CPQ: variants seen among roughly 807,000 people sequenced by gnomAD.
The protein encoded by CPQ is Ser-Met dipeptidase.
Under a neutral mutation model 45.7 loss-of-function variants are expected in CPQ, and 37 were observed. The observed-to-expected ratio is 0.81, with a 90% CI of 0.62 to 1.07. The LOEUF (loss-of-function observed/expected upper bound fraction) is 1.07, where lower values mean the gene tolerates loss of function less well. Ranked by LOEUF, CPQ falls within the 50% of genes least tolerant of loss-of-function variation. The probability of loss-of-function intolerance (pLI) is 0.00; values close to 1 mark genes in which losing one functional copy is unlikely to be tolerated. For missense variants in CPQ, 537 were observed against 572.9 expected, an observed-to-expected ratio of 0.94 and a Z score of 0.64; for synonymous variants, 186 against 205.8, an observed-to-expected ratio of 0.90 and a Z score of 0.82.
At chr8:96,762,124 CTGGAATTTAGT>C (rs1810412988) in intron 1 of CPQ, among the ~76,000 whole-genome samples, 1 of 145,322 alleles carries the variant, frequency 6.9e-6, no homozygotes, top group Non-Finnish European at 1.5e-5. Flanking sequence ...ACATATTTAG[CTGGAATTTAGT>C]TTCCTAGGGA....
At chr8:96,891,760 C>A in intron 4 of CPQ, among the ~76,000 whole-genome samples, 1 of 152,184 alleles carries the variant, frequency 6.6e-6, no homozygotes, top group East Asian at 1.9e-4. Context: ...AGCACCATAG[C>A]TGCATGGTAA....
chr8:96,733,103 C>G (rs1414820654), intron 1 of CPQ, among the ~76,000 whole-genome samples: 1 of 152,160 alleles, frequency 6.6e-6, no homozygotes, highest in Non-Finnish European at 1.5e-5. Flanking sequence ...TTCAGGTATA[C>G]ATTTGATGGC....
At chr8:97,054,946 A>G (rs1292269945) in intron 6 of CPQ, among the ~76,000 whole-genome samples, 5 of 152,212 alleles carry the variant, frequency 3.3e-5, no homozygotes. Flanking sequence ...TTAAGTATAG[A>G]GTTCAGGGGG....
At chr8:96,958,662 A>C (rs1255329749) in intron 4 of CPQ, among the ~76,000 whole-genome samples, 5 of 152,152 alleles carry the variant, frequency 3.3e-5, no homozygotes, top group African/African-American at 1.2e-4. Context: ...GCCGCAGATA[A>C]ATTAGGTCCT....
Position 96,948,067 on chromosome 8 carries a change from CT to C in CPQ, c.850-17863del, listed in dbSNP as rs1357494773. On this transcript the variant is annotated intron_variant, in intron 4 of 7. Coordinates refer to ENST00000220763, the MANE Select transcript of CPQ (RefSeq NM_016134.4). ...GCTTGCCTTCCATATCAAGTCTCCC[CT>C]TTTTAAATACTTAGCTTCTTCCTAG... 5.9e-5 allele frequency among the ~76,000 whole-genome samples: 9 copies of C among 152,044 alleles called. No individual in the cohort carries two copies. The South Asian group carries it at 1.0e-3, about 18-fold the overall frequency.
At chr8:96,961,741 C>T (rs948462546) in intron 4 of CPQ, among the ~76,000 whole-genome samples, 6 of 152,154 alleles carry the variant, frequency 3.9e-5, no homozygotes, top group Admixed American at 1.3e-4. Context: ...TTACTCATTT[C>T]GGTATCTCTA....
At chr8:96,918,501 C>T (rs990419718) in intron 4 of CPQ, among the ~76,000 whole-genome samples, 3 of 152,052 alleles carry the variant, frequency 2.0e-5, no homozygotes, top group Non-Finnish European at 2.9e-5. Context: ...ATCAAACTTA[C>T]CAGACAGTAT....
chr8:96,669,396 A>G (rs769727654), intron 1 of CPQ, among the ~76,000 whole-genome samples: 8 of 152,174 alleles, frequency 5.3e-5, no homozygotes, highest in Admixed American at 2.0e-4. Context: ...TTGAGTGTCA[A>G]TGGAACCTGG....
At chr8:96,955,740 C>A (rs1813346028) in intron 4 of CPQ, among the ~76,000 whole-genome samples, 1 of 152,180 alleles carries the variant, frequency 6.6e-6, no homozygotes, top group Admixed American at 6.5e-5. Flanking sequence ...GCTATCTGGT[C>A]TTTGACAAAC....
chr8:96,754,411 G>A (rs947852407), intron 1 of CPQ, among the ~76,000 whole-genome samples: 1 of 151,822 alleles, frequency 6.6e-6, no homozygotes, highest in Non-Finnish European at 1.5e-5. Flanking sequence ...AACCCTCTTT[G>A]GAATATTAAT....
intron 2 of CPQ, among the ~76,000 whole-genome samples, chr8:96,824,770 T>A (rs946889111): frequency 1.3e-5 from 2 of 152,060 alleles, no homozygotes; most frequent in African/African-American, 4.8e-5. Context: ...TTTTCTTAAT[T>A]GGTAGCTCAT....
intron 3 of CPQ, among the ~76,000 whole-genome samples, chr8:96,851,660 A>G (rs1178382749): frequency 6.6e-6 from 1 of 152,306 alleles, no homozygotes; most frequent in East Asian, 1.9e-4. Flanking sequence ...ACCACTTAAT[A>G]TCATCACATT....
chr8:96,913,869 G>GA (rs1473633544), intron 4 of CPQ, among the ~76,000 whole-genome samples: 2 of 152,052 alleles, frequency 1.3e-5, no homozygotes, highest in African/African-American at 2.4e-5. Context: ...AACACCACAG[G>GA]AAAAAAATTG....
chr8:97,107,914 T>C (rs1811430132), intron 7 of CPQ, among the ~76,000 whole-genome samples: 1 of 152,180 alleles, frequency 6.6e-6, no homozygotes. Flanking sequence ...GGCTGTGGTG[T>C]GCAAGTGTAG....
intron 7 of CPQ, among the ~76,000 whole-genome samples, chr8:97,097,958 C>T (rs1000099532): frequency 1.4e-4 from 21 of 152,166 alleles, no homozygotes; most frequent in African/African-American, 5.1e-4. Flanking sequence ...GAAATGTTGC[C>T]TTCCTATGTA....
intron 2 of CPQ, among the ~76,000 whole-genome samples, chr8:96,788,975 TG>T (rs1810811917): frequency 6.6e-6 from 1 of 152,088 alleles, no homozygotes; most frequent in Non-Finnish European, 1.5e-5. Flanking sequence ...AACTTCTCTT[TG>T]GTCTTTTTAA....
rs550053199 is a variant in CPQ at position 96,888,033 on chromosome 8, C to T, written c.849+8028C>T. 7.9e-5 allele frequency among the ~76,000 whole-genome samples: 12 copies of T among 152,318 alleles called. No homozygotes were observed. The South Asian group carries it at 2.5e-3, about 32-fold the overall frequency. Reference sequence around the variant, plus strand: ...TTCAGTGTGGGGCAGGATTTCTCAACATCATCTCTGTTGGCTCTTTGGATC... The same window carrying T: ...TTCAGTGTGGGGCAGGATTTCTCAATATCATCTCTGTTGGCTCTTTGGATC... On this transcript the variant is annotated intron_variant, in intron 4 of 7. Transcript: ENST00000220763.
intron 2 of CPQ, among the ~76,000 whole-genome samples, chr8:96,791,071 C>T (rs1206988004): frequency 1.3e-5 from 2 of 152,146 alleles, no homozygotes; most frequent in Non-Finnish European, 2.9e-5. Flanking sequence ...TTTTTAAGCT[C>T]TCTCAATTGT....
chr8:96,854,845 A>C (rs1212886117), intron 3 of CPQ, among the ~76,000 whole-genome samples: 1 of 152,170 alleles, frequency 6.6e-6, no homozygotes, highest in Non-Finnish European at 1.5e-5. Context: ...AGACCAAGGA[A>C]GAGTTGACGT....
Sources: allele counts gnomAD v4.1 joint callset (sites outside exome capture counted in the v4.1 genomes callset), GRCh38; gene constraint gnomAD v4.1.1; transcripts MANE v1.5; gene names NCBI Gene and HGNC (gene_info 2026-07-23, HGNC 2026-07-21).